RPL22: variants seen among roughly 807,000 people sequenced by gnomAD.
RPL22 encodes large ribosomal subunit protein eL22.
In RPL22, 4 loss-of-function variants were observed where a neutral mutation model predicts 16.2. The observed-to-expected ratio is 0.25, with a 90% CI of 0.12 to 0.57. The LOEUF is 0.57. RPL22 is among the 20% of genes least tolerant of loss of function. The probability of loss-of-function intolerance (pLI) is 0.92; values close to 1 mark genes in which losing one functional copy is unlikely to be tolerated. For missense variants in RPL22, 83 were observed against 156.1 expected (o/e 0.53, Z 2.49); for synonymous variants, 43 against 54.8 (o/e 0.78, Z 0.95).
chr1:6,191,922 C>T lies in RPL22; in HGVS notation c.242+1008G>A, dbSNP rs892868180. On this transcript the variant is annotated intron_variant, in intron 3 of 3. Transcript: ENST00000234875. ...GCTGAGGCAGGAGAATCGCTTGAAC[C>T]TGGGAGGCAGAGGTTGCAGTGAGCC... Among the ~76,000 whole-genome samples, 3 of 151,174 alleles carry T rather than the reference C, an allele frequency of 2.0e-5. 1 individual carries two copies. Among genetic ancestry groups the T allele is most frequent in the Non-Finnish European group, 4.4e-5 (3 of 67,874 alleles).
In RPL22 at chr1:6,199,410, G is replaced by C. The variant is rs960298210; in HGVS notation, c.12+152C>G. 9 of 1,383,988 alleles carry C rather than the reference G, an allele frequency of 6.5e-6. No homozygotes were observed. The East Asian group carries it at 8.2e-5, about 13-fold the overall frequency. 85.7% of individuals were successfully genotyped at this position (1,383,988 alleles called of 1,614,324 possible). On this transcript the variant is annotated intron_variant, in intron 1 of 3. Transcript: ENST00000234875. ...CCTCCGCCTACAACGTGCTGGGATCGGCAGGGGCTCTGGCCCGCTCCGGCC... is the reference window on the plus strand; with the variant it reads ...CCTCCGCCTACAACGTGCTGGGATCCGCAGGGGCTCTGGCCCGCTCCGGCC...
At position 6,199,199 on chromosome 1, in the gene RPL22, AG is replaced by A. The variant is rs1334026009; in HGVS notation, c.12+362del. 8.5e-5 allele frequency: 23 copies of A among 270,142 alleles called. No homozygotes were observed. In the East Asian group the frequency reaches 1.3e-3, roughly 15 times the overall value. 16.7% of individuals were successfully genotyped at this position (270,142 alleles called of 1,614,324 possible). A position where few individuals can be genotyped will look rare whatever the true frequency, so the allele number is the denominator to read the frequency against. ...TGGACTTCCGAATGCGCGGCTCCCC[AG>A]GGTAGCAGGTCCCGTTCTTCTTCCC... On this transcript the variant is annotated intron_variant, in intron 1 of 3. Transcript: ENST00000234875.
Position 6,186,531 on chromosome 1 carries a change from G to A in RPL22, c.*141C>T. The stretch of plus-strand genomic sequence containing the variant: ...AAGAAGTCAAGTTACAAATAAATGA[G>A]TGGCGAACCAAGGGAAGCCCTTTGA... On this transcript the variant is annotated 3_prime_UTR_variant, in exon 4 of 4. Coordinates refer to ENST00000234875, the MANE Select transcript of RPL22 (RefSeq NM_000983.4). 1.8e-6 allele frequency: 1 copy of A among 561,028 alleles called. No individual in the cohort carries two copies. The highest frequency in any genetic ancestry group is 3.2e-5 in the East Asian group (1 of 31,670). 34.8% of individuals were successfully genotyped at this position (561,028 alleles called of 1,614,324 possible).
intron 2 of RPL22, among the ~76,000 whole-genome samples, chr1:6,196,975 C>G (rs1046659804): frequency 6.6e-6 from 1 of 152,180 alleles, no homozygotes. Context: ...TTAAACACAC[C>G]AAACAGCAAG....
intron 3 of RPL22, among the ~76,000 whole-genome samples, chr1:6,192,468 C>CTT (rs1270120625): frequency 1.3e-5 from 2 of 152,164 alleles, no homozygotes; most frequent in Non-Finnish European, 2.9e-5. Flanking sequence ...GAAGCCAAGG[C>CTT]GGGTGGATCA....
chr1:6,197,525 G>T, intron 2 of RPL22, 127 bp downstream of exon 2: 1 of 637,160 alleles, frequency 1.6e-6, no homozygotes. Flanking sequence ...TTCCCAGGGT[G>T]AGATGATACA....
At chr1:6,192,606 G>A (rs922067901) in intron 3 of RPL22, among the ~76,000 whole-genome samples, 40 of 152,284 alleles carry the variant, frequency 2.6e-4, no homozygotes, top group African/African-American at 9.1e-4. Context: ...GGCTGAGGCA[G>A]GACAACTGCT....
Position 6,199,527 on chromosome 1 carries a change from C to T in RPL22, c.12+35G>A, listed in dbSNP as rs753966592. 5 of 1,554,238 alleles carry T rather than the reference C, an allele frequency of 3.2e-6. No homozygotes were observed. The Admixed American group carries it at 7.8e-5, about 24-fold the overall frequency. ...GGCTCGGCGAGGCCCACGTGCCTCC[C>T]CTGGAGCCGAGGCCTCACGCGGAGC... On this transcript the variant is annotated intron_variant, in intron 1 of 3. Transcript: ENST00000234875.
intron 3 of RPL22, among the ~76,000 whole-genome samples, chr1:6,187,133 C>A (rs1480425380): frequency 6.6e-6 from 1 of 151,936 alleles, no homozygotes; most frequent in Non-Finnish European, 1.5e-5. Context: ...CATGGTGAAA[C>A]CCCATCTCTA....
chr1:6,187,762 C>T lies in RPL22; in HGVS notation c.243-946G>A, dbSNP rs566958773. 1.4e-3 allele frequency among the ~76,000 whole-genome samples: 214 copies of T among 152,220 alleles called. 1 individual carries two copies. Among genetic ancestry groups the T allele is most frequent in the Non-Finnish European group, 2.6e-3 (177 of 68,024 alleles). On this transcript the variant is annotated intron_variant, in intron 3 of 3. Transcript: ENST00000234875. The stretch of plus-strand genomic sequence containing the variant: ...CATGATAGAAATTTACAGTTAAGTA[C>T]GCAACCTCAATACCTTTTATGCAGA...
chr1:6,187,475 G>A lies in RPL22; in HGVS notation c.243-659C>T, dbSNP rs146401397. On this transcript the variant is annotated intron_variant, in intron 3 of 3. Coordinates refer to ENST00000234875, the MANE Select transcript of RPL22 (RefSeq NM_000983.4). ...TAAAAATACAAAAAATTAGCCAGACGTCGTGCTGGGCGCCTGTAGTCCCAG... is the reference window on the plus strand; with the variant it reads ...TAAAAATACAAAAAATTAGCCAGACATCGTGCTGGGCGCCTGTAGTCCCAG... Among the ~76,000 whole-genome samples the A allele has an allele frequency of 5.4e-3, 822 of 151,996 alleles. 3 individuals are homozygous for A. The highest frequency in any genetic ancestry group is 0.019 in the African/African-American group (785 of 41,462).
At chr1:6,192,892 G>A in intron 3 of RPL22, 38 bp downstream of exon 3, 3 of 1,595,926 alleles carry the variant, frequency 1.9e-6, no homozygotes, top group South Asian at 1.1e-5. Flanking sequence ...GCTGGGCACT[G>A]GGTGCACGCA....
intron 3 of RPL22, among the ~76,000 whole-genome samples, chr1:6,188,474 G>A (rs1421872488): frequency 6.6e-6 from 1 of 151,782 alleles, no homozygotes; most frequent in Non-Finnish European, 1.5e-5. Flanking sequence ...AGGATCCCTT[G>A]AATCTAGGAG....
In RPL22 at chr1:6,195,307, T is replaced by C. The variant is rs549016566; in HGVS notation, c.118-2253A>G. Among the ~76,000 whole-genome samples, 172 of 146,212 alleles carry C rather than the reference T, an allele frequency of 1.2e-3. 1 individual carries two copies. The highest frequency in any genetic ancestry group is 4.1e-3 in the African/African-American group (160 of 39,170). On this transcript the variant is annotated intron_variant, in intron 2 of 3. Transcript: ENST00000234875. ...AAAAATACAAAAAATTAGCCGGGCA[T>C]AGTGACAGACACCTGTAGTCCCAGC...
chr1:6,197,972 T>C, intron 1 of RPL22: 1 of 580,066 alleles, frequency 1.7e-6, no homozygotes, highest in Non-Finnish European at 3.1e-6. Context: ...CCTGGGGTCA[T>C]GCCCTTTTGA....
Position 6,197,640 on chromosome 1 carries a change from G to A in RPL22, c.117+12C>T. Reference sequence around the variant, plus strand: ...TCGTGACCACCCGAGTGGCAATAAGGATGTAACTTACAAAATTGGCAGCAT... The same window carrying A: ...TCGTGACCACCCGAGTGGCAATAAGAATGTAACTTACAAAATTGGCAGCAT... On this transcript the variant is annotated intron_variant, in intron 2 of 3. Transcript: ENST00000234875. 8 of 1,560,204 alleles carry A rather than the reference G, an allele frequency of 5.1e-6. No individual in the cohort carries two copies. Among genetic ancestry groups the A allele is most frequent in the South Asian group, 1.1e-5 (1 of 89,978 alleles).
chr1:6,192,221 A>G (rs1227519462), intron 3 of RPL22, among the ~76,000 whole-genome samples: 1 of 151,680 alleles, frequency 6.6e-6, no homozygotes, highest in Non-Finnish European at 1.5e-5. Flanking sequence ...GCTAATTTTA[A>G]CTCTTGTAGA....
At chr1:6,196,943 G>T (rs1004321901) in intron 2 of RPL22, among the ~76,000 whole-genome samples, 1 of 152,214 alleles carries the variant, frequency 6.6e-6, no homozygotes, top group Non-Finnish European at 1.5e-5. Context: ...CCATAGTCAG[G>T]ATCAGGGTCC....
chr1:6,197,999 G>A lies in RPL22; in HGVS notation c.13-243C>T, dbSNP rs1571189443. ...CCCTTTTGATGGGGAAATCATTCTA[G>A]CACTCTTGACTCACTCAAACTTTCC... On this transcript the variant is annotated intron_variant, in intron 1 of 3. Coordinates refer to ENST00000234875, the MANE Select transcript of RPL22 (RefSeq NM_000983.4). 1.5e-5 allele frequency: 8 copies of A among 550,150 alleles called. 1 individual carries two copies. In the East Asian group the frequency reaches 2.4e-4, roughly 16 times the overall value. 34.1% of individuals were successfully genotyped at this position (550,150 alleles called of 1,614,324 possible).
Sources: gnomAD v4.1 joint callset for allele counts (sites outside exome capture counted in the v4.1 genomes callset) on GRCh38, gnomAD v4.1.1 for gene constraint, MANE v1.5 for transcripts, NCBI Gene and HGNC (gene_info 2026-07-23, HGNC 2026-07-21) for gene names.